PSG2: variants seen among roughly 807,000 people sequenced by gnomAD.
The protein encoded by PSG2 is pregnancy-specific beta-1-glycoprotein 2.
PSG2 carries 49 observed loss-of-function variants against 36.2 expected under a neutral mutation model. The ratio of observed to expected loss-of-function variants is 1.35; its 90% CI spans 1.08 to 1.72. PSG2 has a LOEUF of 1.72. PSG2 is among the 40% of genes most tolerant of loss of function. PSG2 has a pLI of 0.00. For missense variants in PSG2, 605 were observed against 407.2 expected (o/e 1.49, Z -4.18); for synonymous variants, 261 against 155.6 (o/e 1.68, Z -5.04).
At chr19:43,082,122 C>CTTTTTTTTTTTT (rs71169213) in intron 1 of PSG2, 6 of 67,984 alleles carry the variant, frequency 8.8e-5, no homozygotes, top group African/African-American at 1.6e-4. Context: ...TTTCTTCTCT[C>CTTTTTTTTTTTT]TTTTTTTTTT....
rs188507206 is a variant in PSG2 at position 43,073,175 on chromosome 19, C to G, written c.710-1221G>C. Among the ~76,000 whole-genome samples, 733 of 151,910 alleles carry G rather than the reference C, an allele frequency of 4.8e-3. 23 individuals carry two copies. Among genetic ancestry groups the G allele is most frequent in the African/African-American group, 0.017 (705 of 41,266 alleles). ...TAACACAGGGGAGACCAGAGTCAAGCCTGGAGGTCAGTTCAGTCATCAGGC... is the reference window on the plus strand; with the variant it reads ...TAACACAGGGGAGACCAGAGTCAAGGCTGGAGGTCAGTTCAGTCATCAGGC... On this transcript the variant is annotated intron_variant, in intron 3 of 5. Coordinates refer to ENST00000406487, the MANE Select transcript of PSG2 (RefSeq NM_031246.4).
intron 2 of PSG2, 135 bp from the exon 3 acceptor site, chr19:43,075,767 T>G: frequency 6.7e-7 from 1 of 1,486,880 alleles, no homozygotes; most frequent in Non-Finnish European, 9.0e-7. Context: ...GTGTGTGTGT[T>G]ACAAGACAGA....
intron 4 of PSG2, among the ~76,000 whole-genome samples, chr19:43,070,768 A>G (rs975598807): frequency 6.6e-6 from 1 of 151,670 alleles, no homozygotes; most frequent in African/African-American, 2.4e-5. Flanking sequence ...CTGGAAATGG[A>G]TAGTGTGATG....
At chr19:43,066,081 T>C (rs1486324560) in intron 5 of PSG2, among the ~76,000 whole-genome samples, 1 of 151,696 alleles carries the variant, frequency 6.6e-6, no homozygotes, top group African/African-American at 2.4e-5. Flanking sequence ...CCCCTGCAGA[T>C]TCTTGATTAA....
At chr19:43,074,145 A>C (rs949375210) in intron 3 of PSG2, among the ~76,000 whole-genome samples, 1 of 151,560 alleles carries the variant, frequency 6.6e-6, no homozygotes, top group East Asian at 1.9e-4. Context: ...TCATGGTTGC[A>C]TCTTTTTCAC....
At chr19:43,075,936 C>T (rs535009602) in intron 2 of PSG2, among the ~76,000 whole-genome samples, 2 of 151,546 alleles carry the variant, frequency 1.3e-5, no homozygotes, top group Admixed American at 6.6e-5. Context: ...CCCTCCATCT[C>T]GAAGTGCCTG....
intron 5 of PSG2, 63 bp from the exon 6 acceptor site, chr19:43,064,664 A>C: frequency 1.8e-6 from 1 of 558,738 alleles, no homozygotes; most frequent in African/African-American, 1.9e-5. Flanking sequence ...GAATCAAAGC[A>C]ACTGTCTGGG....
At chr19:43,080,498 G>T (rs1217256256) in intron 2 of PSG2, among the ~76,000 whole-genome samples, 2 of 151,738 alleles carry the variant, frequency 1.3e-5, no homozygotes, top group African/African-American at 4.9e-5. Context: ...GGAGGTTGAG[G>T]TTTCTAGGGC....
In PSG2 at chr19:43,072,625, C is replaced by G. The variant is rs1371959986; in HGVS notation, c.710-671G>C. 2.5e-6 allele frequency: 4 copies of G among 1,611,492 alleles called. No individual in the cohort carries two copies. In the East Asian group the frequency reaches 8.9e-5, roughly 36 times the overall value. On this transcript the variant is annotated intron_variant, in intron 3 of 5. Transcript: ENST00000406487. ...TGATGGTGATTTAGGGCTTGGGCAG[C>G]TTCGCTGTGTGGATAACAGAGAGAA...
chr19:43,081,612 C>A (rs1169382843), intron 1 of PSG2, among the ~76,000 whole-genome samples: 1 of 151,536 alleles, frequency 6.6e-6, no homozygotes, highest in Non-Finnish European at 1.5e-5. Flanking sequence ...CTTCAGAGAC[C>A]CTGGGTCTTC....
intron 5 of PSG2, chr19:43,065,794 G>A (rs1264971581): frequency 2.0e-5 from 3 of 151,938 alleles, no homozygotes; most frequent in African/African-American, 7.3e-5. Flanking sequence ...AGGTTCACAT[G>A]TTAATCCTAA....
In PSG2 at chr19:43,075,585, C is replaced by T; in HGVS notation, c.478G>A (p.Glu160Lys). 3.1e-6 allele frequency: 5 copies of T among 1,613,256 alleles called. No homozygotes were observed. Among genetic ancestry groups the T allele is most frequent in the South Asian group, 1.1e-5 (1 of 91,052 alleles). ...SISSSNLNPR[E>K]AMETVILTCD... ...GTTAAGATCACAGTTTCCATGGCCT[C>T]CCTGGGGTTTAAGTTGCTGCTGGAG... Residue 160 changes from glutamate to lysine, a missense_variant, in exon 3 of 6, where the codon GAG becomes AAG. Transcript: ENST00000406487.
At position 43,071,882 on chromosome 19, in the gene PSG2, CA is replaced by C; in HGVS notation, c.781del (p.Cys261AlafsTer56). ...TGCCGGTGGGTTAGAGTTCGCGAAG[CA>C]AGACAAGTAGAGGTTATCTCCTGAA... ...YRSGDNLYLS[C>X]FANSNPPAQY... is the part of the protein sequence containing the mutation. On this transcript the variant is annotated frameshift_variant, in exon 4 of 6. Coordinates refer to ENST00000406487, the MANE Select transcript of PSG2 (RefSeq NM_031246.4). LOFTEE classifies it high-confidence loss of function. 6.2e-7 allele frequency: 1 copy of C among 1,612,890 alleles called. No homozygotes were observed. The highest frequency in any genetic ancestry group is 1.1e-5 in the South Asian group (1 of 91,032).
At chr19:43,072,137 G>A (rs907557160) in intron 3 of PSG2, among the ~76,000 whole-genome samples, 183 bp from the exon 4 acceptor site, 3 of 151,424 alleles carry the variant, frequency 2.0e-5, no homozygotes, top group Non-Finnish European at 2.9e-5. Context: ...ACAAGATGTG[G>A]GCCCCAAGTC....
intron 2 of PSG2, among the ~76,000 whole-genome samples, chr19:43,076,241 TAGTG>T (rs1967894213): frequency 6.6e-6 from 1 of 151,482 alleles, no homozygotes; most frequent in Non-Finnish European, 1.5e-5. Context: ...AGGTGTCTCA[TAGTG>T]AGTGACTTGA....
chr19:43,065,434 T>G (rs1967726954), intron 5 of PSG2: 1 of 151,656 alleles, frequency 6.6e-6, no homozygotes, highest in South Asian at 2.1e-4. Flanking sequence ...TTCTCCATCC[T>G]TGTTACGTGT....
chr19:43,066,566 A>G lies in PSG2; in HGVS notation c.999T>C (p.Asn333=). 3 of 1,600,784 alleles carry G rather than the reference A, an allele frequency of 1.9e-6. No individual in the cohort carries two copies. Among genetic ancestry groups the G allele is most frequent in the Middle Eastern group, 1.7e-4 (1 of 6,038 alleles). ...AATGACATCACAGCTGCTATGTTGG[A>G]TTAAGGAGAGGAAGAAGTCCTATTC... ...STRIGLLPLL[N]PT The change falls in exon 5 of 6, where the codon AAT becomes AAC. Residue 333 remains asparagine (N), a synonymous_variant. Coordinates refer to ENST00000406487, the MANE Select transcript of PSG2 (RefSeq NM_031246.4).
In PSG2 at chr19:43,075,444, C is replaced by T; in HGVS notation, c.619G>A (p.Val207Ile). The T allele has an allele frequency of 1.2e-6, 2 of 1,613,180 alleles. No homozygotes were observed. Among genetic ancestry groups the T allele is most frequent in the Non-Finnish European group, 1.7e-6 (2 of 1,179,682 alleles). Residue 207 changes from valine to isoleucine, a missense_variant, in exon 3 of 6, where the codon GTC (valine) becomes ATC (isoleucine). Val to Ile is a conservative substitution (Grantham distance 29). Transcript: ENST00000406487. The part of the protein sequence containing the change: ...ETNRTLFLFG[V>I]TKYTAGPYEC... The stretch of plus-strand genomic sequence containing the variant: ...TAGGGTCCTGCAGTATACTTTGTGA[C>T]ACCAAATAGAAAGAGGGTCCTGTTG...
rs1136026 is a variant in PSG2 at position 43,066,592 on chromosome 19, T to G, written c.973A>C (p.Arg325=). 100 of 1,599,948 alleles carry G rather than the reference T, an allele frequency of 6.3e-5. 1 individual carries two copies. The East Asian group carries it at 1.9e-3, about 30-fold the overall frequency. ...SLTVKVSAST[R]IGLLPLLNPT ...TTAAGGAGAGGAAGAAGTCCTATTC[T>G]TGTAGAAGCTGTCATGGAAAGAAAA... The change falls in exon 5 of 6, where the codon AGA becomes CGA. Residue 325 remains arginine, a synonymous_variant. Transcript: ENST00000406487.
Sources: allele counts gnomAD v4.1 joint callset (sites outside exome capture counted in the v4.1 genomes callset), GRCh38; gene constraint gnomAD v4.1.1; transcripts MANE v1.5; gene names NCBI Gene and HGNC (gene_info 2026-07-23, HGNC 2026-07-21).